The following COMMD10 variants were observed in gnomAD, a reference collection of about 807,000 sequenced individuals.
COMMD10 encodes the protein COMM domain containing 10.
A neutral mutation model predicts 28.9 loss-of-function variants in COMMD10; 33 were observed. The observed-to-expected ratio is 1.14, with a 90% CI of 0.87 to 1.53. COMMD10 has a LOEUF of 1.53. Among genes scored for constraint, COMMD10 ranks in the 40% most tolerant of loss-of-function variants. COMMD10 has a pLI of 0.00. For synonymous variants in COMMD10, 110 were observed against 81.7 expected, an observed-to-expected ratio of 1.35 and a Z score of -1.87; for missense variants, 310 against 233.4, an observed-to-expected ratio of 1.33 and a Z score of -2.14.
At chr5:116,213,284 A>G (rs778676715) in intron 5 of COMMD10, among the ~76,000 whole-genome samples, 5 of 152,156 alleles carry the variant, frequency 3.3e-5, no homozygotes, top group Non-Finnish European at 5.9e-5. Flanking sequence ...ACTCAAACAG[A>G]TGTGAATACT....
chr5:116,114,728 T>C (rs535220608), intron 4 of COMMD10, among the ~76,000 whole-genome samples: 39 of 152,324 alleles, frequency 2.6e-4, no homozygotes, highest in African/African-American at 8.7e-4. Flanking sequence ...GGTTTCAGCA[T>C]TGGCTGGCAA....
At chr5:116,270,395 G>T (rs568528007) in intron 5 of COMMD10, among the ~76,000 whole-genome samples, 1 of 151,884 alleles carries the variant, frequency 6.6e-6, no homozygotes, top group Non-Finnish European at 1.5e-5. Context: ...GGCAAAAAAG[G>T]TAGAACTTTA....
intron 5 of COMMD10, among the ~76,000 whole-genome samples, chr5:116,243,892 C>A (rs1426969573): frequency 2.6e-5 from 4 of 152,070 alleles, no homozygotes; most frequent in South Asian, 2.1e-4. Context: ...AAAGAGGAGC[C>A]AGAGATTAAA....
chr5:116,203,396 A>T (rs1748723274), intron 5 of COMMD10, among the ~76,000 whole-genome samples: 1 of 152,116 alleles, frequency 6.6e-6, no homozygotes, highest in East Asian at 1.9e-4. Context: ...AGAACGCCAC[A>T]AAGATACTCC....
chr5:116,276,736 A>G (rs1750928281), intron 5 of COMMD10, among the ~76,000 whole-genome samples: 1 of 151,774 alleles, frequency 6.6e-6, no homozygotes, highest in African/African-American at 2.4e-5. Context: ...AAAATATTAT[A>G]TTAAATGAAT....
intron 5 of COMMD10, among the ~76,000 whole-genome samples, chr5:116,183,511 A>G (rs1249139730): frequency 6.6e-6 from 1 of 152,074 alleles, no homozygotes; most frequent in Non-Finnish European, 1.5e-5. Flanking sequence ...CCATATCCTT[A>G]TGAAAGTGAA....
chr5:116,226,961 G>A (rs145801534), intron 5 of COMMD10, among the ~76,000 whole-genome samples: 1 of 151,976 alleles, frequency 6.6e-6, no homozygotes, highest in African/African-American at 2.4e-5. Flanking sequence ...CATTTCATAT[G>A]AGTTCATATT....
At position 116,190,744 on chromosome 5, in the gene COMMD10, T is replaced by A. The variant is rs140352997; in HGVS notation, c.510+56566T>A. ...TTAACAAGGAAAGCAACTAACAACTTTAAGCTGAAATACTAATCCTGAAAG... is the reference window on the plus strand; with the variant it reads ...TTAACAAGGAAAGCAACTAACAACTATAAGCTGAAATACTAATCCTGAAAG... On this transcript the variant is annotated intron_variant, in intron 5 of 6. Coordinates refer to ENST00000274458, the MANE Select transcript of COMMD10 (RefSeq NM_016144.4). Among the ~76,000 whole-genome samples, 8 of 152,318 alleles carry A rather than the reference T, an allele frequency of 5.3e-5. No homozygotes were observed. In the East Asian group the frequency reaches 1.5e-3, roughly 29 times the overall value.
chr5:116,269,580 C>G (rs1399649998), intron 5 of COMMD10, among the ~76,000 whole-genome samples: 2 of 151,644 alleles, frequency 1.3e-5, no homozygotes, highest in Admixed American at 1.3e-4. Flanking sequence ...CTTTTTATTA[C>G]ATTTATAAAA....
intron 5 of COMMD10, among the ~76,000 whole-genome samples, chr5:116,184,801 A>C (rs1163204211): frequency 6.6e-6 from 1 of 152,124 alleles, no homozygotes; most frequent in Non-Finnish European, 1.5e-5. Context: ...TTTTATATAT[A>C]AATGGTAGTA....
chr5:116,202,945 A>T (rs1748708910), intron 5 of COMMD10, among the ~76,000 whole-genome samples: 1 of 152,008 alleles, frequency 6.6e-6, no homozygotes. Flanking sequence ...GGTGTTTTAG[A>T]CATGAAGGCC....
chr5:116,120,773 A>G (rs1379238980), intron 4 of COMMD10, among the ~76,000 whole-genome samples: 2 of 151,276 alleles, frequency 1.3e-5, no homozygotes, highest in Non-Finnish European at 2.9e-5. Context: ...ATTACAGAGT[A>G]GTATTCTACC....
chr5:116,276,935 A>C (rs1750932802), intron 5 of COMMD10, among the ~76,000 whole-genome samples: 1 of 151,800 alleles, frequency 6.6e-6, no homozygotes, highest in Non-Finnish European at 1.5e-5. Flanking sequence ...GGGATGATGA[A>C]AATGTTCTAA....
At chr5:116,240,585 G>A (rs1248136733) in intron 5 of COMMD10, among the ~76,000 whole-genome samples, 1 of 152,148 alleles carries the variant, frequency 6.6e-6, no homozygotes, top group Non-Finnish European at 1.5e-5. Flanking sequence ...TTTAAGCCAT[G>A]TTGCATGAGA....
At chr5:116,250,298 T>C (rs560337536) in intron 5 of COMMD10, among the ~76,000 whole-genome samples, 8 of 152,028 alleles carry the variant, frequency 5.3e-5, no homozygotes, top group African/African-American at 1.9e-4. Context: ...GGTATAGTAA[T>C]AATAACGTGT....
intron 4 of COMMD10, among the ~76,000 whole-genome samples, chr5:116,124,762 G>T (rs902530967): frequency 6.6e-6 from 1 of 152,108 alleles, no homozygotes; most frequent in African/African-American, 2.4e-5. Context: ...CCTGTATTGG[G>T]TACATATATA....
At chr5:116,220,516 G>A (rs1385475745) in intron 5 of COMMD10, among the ~76,000 whole-genome samples, 2 of 152,086 alleles carry the variant, frequency 1.3e-5, no homozygotes, top group Non-Finnish European at 2.9e-5. Flanking sequence ...GTATAGGTCA[G>A]AGTTTCTGAG....
At chr5:116,213,052 AAGAT>A (rs1264331869) in intron 5 of COMMD10, among the ~76,000 whole-genome samples, 1 of 152,066 alleles carries the variant, frequency 6.6e-6, no homozygotes, top group Non-Finnish European at 1.5e-5. Context: ...ATTATCTATA[AAGAT>A]AATATGCTTT....
intron 4 of COMMD10, among the ~76,000 whole-genome samples, chr5:116,115,794 C>T (rs111966670): frequency 0.022 from 3,309 of 152,078 alleles, 119 homozygotes; most frequent in African/African-American, 0.076. Flanking sequence ...CTAAAGGAAA[C>T]GACTTGAGTT....
Sources: gnomAD v4.1 joint callset for allele counts (sites outside exome capture counted in the v4.1 genomes callset) on GRCh38, gnomAD v4.1.1 for gene constraint, MANE v1.5 for transcripts, NCBI Gene and HGNC (gene_info 2026-07-23, HGNC 2026-07-21) for gene names.